ADAM12: variants seen among roughly 807,000 people sequenced by gnomAD.
ADAM12 encodes disintegrin and metalloproteinase domain-containing protein 12.
Under a neutral mutation model 106.4 loss-of-function variants are expected in ADAM12, and 70 were observed. That is an observed-to-expected ratio of 0.66 (90% CI 0.54 to 0.80). The LOEUF (loss-of-function observed/expected upper bound fraction) is 0.80. ADAM12 is among the 30% of genes least tolerant of loss of function. The probability of loss-of-function intolerance (pLI) is 0.00; values close to 1 mark genes in which losing one functional copy is unlikely to be tolerated. For missense variants in ADAM12, 1,010 were observed against 1,171.9 expected, an observed-to-expected ratio of 0.86 and a Z score of 2.02; for synonymous variants, 420 against 433.5, an observed-to-expected ratio of 0.97 and a Z score of 0.39.
chr10:126,366,668 T>C (rs1363965368), intron 1 of ADAM12, among the ~76,000 whole-genome samples: 5 of 152,030 alleles, frequency 3.3e-5, no homozygotes, highest in African/African-American at 7.2e-5. Flanking sequence ...ACACACTGTT[T>C]AAAAGAATGC....
At chr10:126,225,456 T>C (rs1304768531) in intron 3 of ADAM12, among the ~76,000 whole-genome samples, 1 of 152,118 alleles carries the variant, frequency 6.6e-6, no homozygotes, top group African/African-American at 2.4e-5. Context: ...CGGCAATTAG[T>C]GTGGGGGCAG....
In ADAM12 at chr10:126,304,970, G is replaced by A. The variant is rs569984767; in HGVS notation, c.186+25442C>T. ...TAAATTATAAATCACCACCACCACC[G>A]ACATATAATGTATACCTTGGTGAGG... On this transcript the variant is annotated intron_variant, in intron 2 of 22. Transcript: ENST00000448723. Among the ~76,000 whole-genome samples, 9 of 151,964 alleles carry A rather than the reference G, an allele frequency of 5.9e-5. No individual in the cohort carries two copies. In the South Asian group the frequency reaches 6.2e-4, roughly 11 times the overall value.
At chr10:126,253,971 G>A (rs188158056) in intron 3 of ADAM12, among the ~76,000 whole-genome samples, 11 of 152,308 alleles carry the variant, frequency 7.2e-5, no homozygotes, top group South Asian at 2.1e-4. Context: ...CTTCCAGGGC[G>A]CTATGTCTCT....
chr10:126,226,238 A>C (rs1458838311), intron 3 of ADAM12, among the ~76,000 whole-genome samples: 1 of 152,122 alleles, frequency 6.6e-6, no homozygotes, highest in Non-Finnish European at 1.5e-5. Flanking sequence ...TCTTTCAGCC[A>C]CTGGATGTCA....
chr10:126,147,740 T>A (rs1307684428), intron 4 of ADAM12, among the ~76,000 whole-genome samples: 3 of 152,240 alleles, frequency 2.0e-5, no homozygotes, highest in African/African-American at 4.8e-5. Flanking sequence ...TTAGCCCAGA[T>A]GTTAATTATG....
intron 5 of ADAM12, among the ~76,000 whole-genome samples, chr10:126,121,126 ATATAC>A (rs375618709): frequency 3.5e-5 from 2 of 57,556 alleles, no homozygotes; most frequent in African/African-American, 1.5e-4. Flanking sequence ...TATATAGTAT[ATATAC>A]TATATACTAT....
chr10:126,185,200 C>T (rs1338919755), intron 3 of ADAM12, among the ~76,000 whole-genome samples: 1 of 152,180 alleles, frequency 6.6e-6, no homozygotes, highest in Non-Finnish European at 1.5e-5. Context: ...AGAATTCTTT[C>T]CTTTTGAGGT....
Position 126,096,132 on chromosome 10 carries a change from A to G in ADAM12, c.997-1999T>C, listed in dbSNP as rs144229452. Among the ~76,000 whole-genome samples, 105 of 152,346 alleles carry G rather than the reference A, an allele frequency of 6.9e-4. 1 individual carries two copies. The East Asian group carries it at 0.02, about 29-fold the overall frequency. On this transcript the variant is annotated intron_variant, in intron 10 of 22. Transcript: ENST00000448723. ...AGGAAGTTTACAAATATGTTTCAGGAAATCGGTTCTCGAAAATAACACAAT... is the reference window on the plus strand; with the variant it reads ...AGGAAGTTTACAAATATGTTTCAGGGAATCGGTTCTCGAAAATAACACAAT...
At chr10:126,331,056 TA>T (rs1034066274) in intron 1 of ADAM12, among the ~76,000 whole-genome samples, 2 of 152,220 alleles carry the variant, frequency 1.3e-5, no homozygotes, top group Admixed American at 1.3e-4. Context: ...GTTTATGTTT[TA>T]AAAAAATCAA....
At chr10:126,340,027 G>C (rs1453136194) in intron 1 of ADAM12, among the ~76,000 whole-genome samples, 1 of 151,846 alleles carries the variant, frequency 6.6e-6, no homozygotes, top group African/African-American at 2.4e-5. Flanking sequence ...GTGAATTTTT[G>C]TATTTTTAGT....
At chr10:126,257,056 A>G (rs1958906740) in intron 3 of ADAM12, among the ~76,000 whole-genome samples, 1 of 152,208 alleles carries the variant, frequency 6.6e-6, no homozygotes, top group Non-Finnish European at 1.5e-5. Flanking sequence ...CCACTTCTGC[A>G]TCCTGCATAA....
intron 2 of ADAM12, among the ~76,000 whole-genome samples, chr10:126,315,923 C>T (rs1190656626): frequency 3.3e-5 from 5 of 152,198 alleles, no homozygotes; most frequent in South Asian, 2.1e-4. Flanking sequence ...TGCATTCCCA[C>T]GAAGTCCACT....
At chr10:126,101,582 T>C (rs1190399534) in intron 8 of ADAM12, among the ~76,000 whole-genome samples, 1 of 152,238 alleles carries the variant, frequency 6.6e-6, no homozygotes, top group Non-Finnish European at 1.5e-5. Flanking sequence ...AGATGGCCAG[T>C]TAATATCCAC....
At chr10:126,153,560 T>G (rs530224577) in intron 4 of ADAM12, among the ~76,000 whole-genome samples, 7 of 152,320 alleles carry the variant, frequency 4.6e-5, no homozygotes, top group Middle Eastern at 3.4e-3. Context: ...CTGTTCTCTT[T>G]AATTTTTTTT....
intron 3 of ADAM12, among the ~76,000 whole-genome samples, chr10:126,220,774 ATAATTG>A (rs1958075407): frequency 6.6e-6 from 1 of 152,202 alleles, no homozygotes; most frequent in Non-Finnish European, 1.5e-5. Flanking sequence ...AAGTCTAGGA[ATAATTG>A]TCACCTATTA....
In ADAM12 at chr10:126,193,904, G is replaced by GAAATAAAATAAAATAAAATA. The variant is rs142749355; in HGVS notation, c.261-38619_261-38600dup. ...GAGACTCTGTCTCATGAAATAAAAT[G>GAAATAAAATAAAATAAAATA]AAATAAAATAAAATAAAATAAAATA... is the stretch of plus-strand genomic sequence containing the variant. On this transcript the variant is annotated intron_variant, in intron 3 of 22. Transcript: ENST00000448723. Among the ~76,000 whole-genome samples the GAAATAAAATAAAATAAAATA allele has an allele frequency of 2.9e-3, 424 of 145,208 alleles. 5 individuals are homozygous for GAAATAAAATAAAATAAAATA. The highest frequency in any genetic ancestry group is 0.011 in the African/African-American group (407 of 38,598).
chr10:126,299,651 T>G (rs936083050), intron 2 of ADAM12, among the ~76,000 whole-genome samples: 12 of 152,194 alleles, frequency 7.9e-5, no homozygotes, highest in Non-Finnish European at 1.5e-4. Context: ...ATTCAGCTTT[T>G]TTTTTTCTTT....
At chr10:126,224,268 G>C (rs900907493) in intron 3 of ADAM12, among the ~76,000 whole-genome samples, 2 of 152,184 alleles carry the variant, frequency 1.3e-5, no homozygotes, top group African/African-American at 4.8e-5. Flanking sequence ...TTCTTAGACA[G>C]GTCCTGCAGG....
intron 3 of ADAM12, among the ~76,000 whole-genome samples, chr10:126,196,617 C>A (rs926147282): frequency 6.6e-6 from 1 of 152,158 alleles, no homozygotes; most frequent in African/African-American, 2.4e-5. Context: ...AGGTGGGATA[C>A]AAGAGTGGGT....
Sources: allele counts gnomAD v4.1 joint callset (sites outside exome capture counted in the v4.1 genomes callset), GRCh38; gene constraint gnomAD v4.1.1; transcripts MANE v1.5; gene names NCBI Gene and HGNC (gene_info 2026-07-23, HGNC 2026-07-21).